The following CFAP43 variants were observed in gnomAD, a reference collection of about 807,000 sequenced individuals.
The protein encoded by CFAP43 is cilia and flagella associated protein 43, also known as cilia- and flagella-associated protein 43.
Under a neutral mutation model 218.9 loss-of-function variants are expected in CFAP43, and 155 were observed. The observed-to-expected ratio is 0.71, with a 90% CI of 0.62 to 0.81. The LOEUF is 0.81. Ranked by LOEUF, CFAP43 falls within the 30% of genes least tolerant of loss-of-function variation. CFAP43 has a pLI of 0.00. For missense variants in CFAP43, 1,778 were observed against 1,954.3 expected (o/e 0.91, Z 1.70); for synonymous variants, 645 against 681.3 (o/e 0.95, Z 0.83).
rs879943180 is a variant in CFAP43 at position 104,162,187 on chromosome 10, A to T, written c.3333+130T>A. 22 of 1,216,750 alleles carry T rather than the reference A, an allele frequency of 1.8e-5. No homozygotes were observed. In the Admixed American group the frequency reaches 3.9e-4, roughly 21 times the overall value. 75.4% of individuals were successfully genotyped at this position (1,216,750 alleles called of 1,614,324 possible). On this transcript the variant is annotated intron_variant, in intron 25 of 37. Transcript: ENST00000357060. The stretch of plus-strand genomic sequence containing the variant: ...TAGTGCCTGGAGGAGAGAAGGGGAA[A>T]GGAGGCCAACTGAGATTCAAGTGAC...
Position 104,146,311 on chromosome 10 carries a change from G to A in CFAP43, c.3807C>T (p.Asp1269=). 6 of 1,613,708 alleles carry A rather than the reference G, an allele frequency of 3.7e-6. No individual in the cohort carries two copies. The highest frequency in any genetic ancestry group is 5.1e-6 in the Non-Finnish European group (6 of 1,179,720). Residue 1269 remains aspartate (D), a synonymous_variant, in exon 30 of 38, where the codon GAC becomes GAT. Transcript: ENST00000357060. ...TSEAVRKSRE[D]LDVCKEHYDN... is the part of the protein sequence containing the mutation. ...CATAGTGCTCCTTGCACACATCCAGGTCTTCTCTAGATTTCCGAACAGCTT... is the reference window on the plus strand; with the variant it reads ...CATAGTGCTCCTTGCACACATCCAGATCTTCTCTAGATTTCCGAACAGCTT...
chr10:104,207,619 C>A, intron 6 of CFAP43, 46 bp downstream of exon 6: 5 of 1,541,972 alleles, frequency 3.2e-6, no homozygotes, highest in Non-Finnish European at 4.4e-6. Context: ...CCAAAAAAAC[C>A]AACACCCATG....
At chr10:104,137,292 T>G (rs1278604780) in intron 34 of CFAP43, among the ~76,000 whole-genome samples, 1 of 152,154 alleles carries the variant, frequency 6.6e-6, no homozygotes, top group Non-Finnish European at 1.5e-5. Context: ...AAAAGAAGAA[T>G]GAAGACTGAT....
Position 104,185,020 on chromosome 10 carries a change from A to T in CFAP43, c.2137T>A (p.Trp713Arg). Residue 713 changes from tryptophan (W) to arginine (R), a missense_variant, in exon 16 of 38, where the codon TGG becomes AGG. Trp to Arg is a moderately radical substitution (Grantham distance 101, BLOSUM62 -3). This residue lies in a region of CFAP43 where 1,553 missense variants were observed against 1,685.2 expected (regional missense o/e 0.92). Coordinates refer to ENST00000357060, the MANE Select transcript of CFAP43 (RefSeq NM_025145.7). ...RDDGTLVYLKWKRFGGHLASE... is the reference protein window; with the variant it reads ...RDDGTLVYLKRKRFGGHLASE... ...CTTACTGAATACTGTACGTACTTCC[A>T]CTTTAGGTAGACAAGGGTGCCATCA... is the stretch of plus-strand genomic sequence containing the variant. 5 of 1,614,082 alleles carry T rather than the reference A, an allele frequency of 3.1e-6. No individual in the cohort carries two copies. The highest frequency in any genetic ancestry group is 4.2e-6 in the Non-Finnish European group (5 of 1,179,976).
chr10:104,139,709 G>C (rs1030510074), intron 34 of CFAP43, among the ~76,000 whole-genome samples: 1 of 151,996 alleles, frequency 6.6e-6, no homozygotes, highest in African/African-American at 2.4e-5. Context: ...TTACTAGCAG[G>C]CTTGTACTTC....
Position 104,167,654 on chromosome 10 carries a change from T to C in CFAP43, c.2775A>G (p.Leu925=), listed in dbSNP as rs748564884. Residue 925 remains leucine (L), a synonymous_variant, in exon 22 of 38, where the codon TTA becomes TTG. Transcript: ENST00000357060. The part of the protein sequence containing the change: ...VEELKELERV[L]QQKKIEAECL... The stretch of plus-strand genomic sequence containing the variant: ...ACTCTGCTTCAATCTTCTTTTGCTG[T>C]AAAACTCTTTCCAATTCTTTCAGCT... 1 of 1,612,518 alleles carries C rather than the reference T, an allele frequency of 6.2e-7. No homozygotes were observed. The highest frequency in any genetic ancestry group is 8.5e-7 in the Non-Finnish European group (1 of 1,179,608).
intron 10 of CFAP43, among the ~76,000 whole-genome samples, chr10:104,195,452 G>C (rs540136523): frequency 6.6e-6 from 1 of 152,256 alleles, no homozygotes; most frequent in South Asian, 2.1e-4. Context: ...TGGTCACATA[G>C]ACTATGGAGT....
At chr10:104,184,107 A>C (rs917287462) in intron 16 of CFAP43, among the ~76,000 whole-genome samples, 1 of 152,216 alleles carries the variant, frequency 6.6e-6, no homozygotes, top group Non-Finnish European at 1.5e-5. Context: ...CTTTGCAAAG[A>C]TTACGGCAGT....
intron 23 of CFAP43, among the ~76,000 whole-genome samples, chr10:104,165,601 A>G (rs1284600760): frequency 2.0e-5 from 3 of 152,282 alleles, no homozygotes; most frequent in East Asian, 1.9e-4. Context: ...ATTTCAAACT[A>G]TCTTCATTGG....
intron 12 of CFAP43, among the ~76,000 whole-genome samples, chr10:104,189,954 T>A (rs1043574313): frequency 5.3e-5 from 8 of 151,736 alleles, no homozygotes; most frequent in Non-Finnish European, 1.0e-4. Context: ...GATCATGAGG[T>A]CAGGAGATCG....
intron 8 of CFAP43, among the ~76,000 whole-genome samples, chr10:104,203,225 G>A (rs1275724372): frequency 6.6e-6 from 1 of 152,044 alleles, no homozygotes; most frequent in Non-Finnish European, 1.5e-5. Context: ...ATTGACCCGG[G>A]GTAGACACGT....
chr10:104,161,857 T>C, intron 26 of CFAP43, 104 bp downstream of exon 26: 1 of 996,804 alleles, frequency 1.0e-6, no homozygotes, highest in Non-Finnish European at 1.5e-6. Context: ...TAGTTGTTGC[T>C]GTAGAACTTC....
chr10:104,146,248 G>T lies in CFAP43; in HGVS notation c.3855+15C>A. 6.2e-7 allele frequency: 1 copy of T among 1,609,314 alleles called. No homozygotes were observed. Among genetic ancestry groups the T allele is most frequent in the South Asian group, 1.1e-5 (1 of 90,922 alleles). On this transcript the variant is annotated intron_variant, in intron 30 of 37. Transcript: ENST00000357060. ...CTCTACTGCATTGTTGAGTGGGTAA[G>T]ACAACAACTCTCACTTTGTCTTCTG...
In CFAP43 at chr10:104,133,663, G is replaced by A; in HGVS notation, c.4553C>T (p.Ala1518Val). The change falls in exon 35 of 38, where the codon GCT becomes GTT. Residue 1518 changes from alanine to valine, a missense_variant. By Grantham distance (64) the Ala-to-Val change is moderately conservative (BLOSUM62 0). This residue lies in a region of CFAP43 where 211 missense variants were observed against 230.6 expected (regional missense o/e 0.91). Transcript: ENST00000357060. ...AAAAAATAGCATCTGAATATCCCAAGCCTTCTGATTTAGATCTTCCCTTTC... is the reference window on the plus strand; with the variant it reads ...AAAAAATAGCATCTGAATATCCCAAACCTTCTGATTTAGATCTTCCCTTTC... ...EMEREDLNQK[A>V]WDIQMLFFSR... The A allele has an allele frequency of 6.2e-7, 1 of 1,613,114 alleles. No individual in the cohort carries two copies. The highest frequency in any genetic ancestry group is 1.1e-5 in the South Asian group (1 of 90,998).
At chr10:104,199,446 G>A (rs2134936351) in intron 8 of CFAP43, among the ~76,000 whole-genome samples, 1 of 152,260 alleles carries the variant, frequency 6.6e-6, no homozygotes, top group East Asian at 1.9e-4. Context: ...ATATTAAGTG[G>A]ATACACAGCG....
chr10:104,137,537 G>T (rs1435232065), intron 34 of CFAP43, among the ~76,000 whole-genome samples: 1 of 152,180 alleles, frequency 6.6e-6, no homozygotes, highest in Non-Finnish European at 1.5e-5. Flanking sequence ...GCCGGGTGGG[G>T]TGCCTCACTC....
chr10:104,221,127 C>G (rs565878686), intron 3 of CFAP43, among the ~76,000 whole-genome samples: 5 of 152,266 alleles, frequency 3.3e-5, no homozygotes, highest in South Asian at 2.1e-4. Flanking sequence ...AGGCACCCAC[C>G]ACCACTCTGG....
chr10:104,143,399 A>G, intron 32 of CFAP43, 27 bp downstream of exon 32: 1 of 1,581,156 alleles, frequency 6.3e-7, no homozygotes, highest in Non-Finnish European at 8.6e-7. Flanking sequence ...TACACTAAAA[A>G]TTAAATTAAG....
Position 104,162,304 on chromosome 10 carries a change from C to A in CFAP43, c.3333+13G>T, listed in dbSNP as rs776243554. The A allele has an allele frequency of 2.5e-6, 4 of 1,612,410 alleles. No homozygotes were observed. The highest frequency in any genetic ancestry group is 3.4e-6 in the Non-Finnish European group (4 of 1,178,582). ...AGAGGGTCTTAGGACCTGTGTTAAG[C>A]AAAGCTACATGCCTGTATCAGAAGC... On this transcript the variant is annotated intron_variant, in intron 25 of 37. Transcript: ENST00000357060.
Sources: gnomAD v4.1 joint callset for allele counts (sites outside exome capture counted in the v4.1 genomes callset) on GRCh38, gnomAD v4.1.1 for gene constraint, gnomAD v4.1.1 regional missense constraint, MANE v1.5 for transcripts, NCBI Gene and HGNC (gene_info 2026-07-23, HGNC 2026-07-21) for gene names.